TENM2: variants seen among roughly 807,000 people sequenced by gnomAD.
The protein encoded by TENM2 is teneurin-2.
A neutral mutation model predicts 245.2 loss-of-function variants in TENM2; 52 were observed. That is an observed-to-expected ratio of 0.21 (90% CI 0.17 to 0.27). TENM2 has a LOEUF of 0.27. Ranked by LOEUF, TENM2 falls within the 10% of genes least tolerant of loss-of-function variation. The pLI is 1.00. For missense variants in TENM2, 3,046 were observed against 3,666.8 expected (o/e 0.83, Z 4.37); for synonymous variants, 1,363 against 1,438.9 (o/e 0.95, Z 1.19).
At chr5:167,757,556 G>A (rs1174340880) in intron 2 of TENM2, among the ~76,000 whole-genome samples, 7 of 152,166 alleles carry the variant, frequency 4.6e-5, no homozygotes, top group African/African-American at 1.4e-4. Flanking sequence ...AAACATACGT[G>A]TGCATGTGTC....
chr5:167,305,899 A>G (rs944424255), intron 1 of TENM2, among the ~76,000 whole-genome samples: 2 of 152,224 alleles, frequency 1.3e-5, no homozygotes, highest in African/African-American at 2.4e-5. Flanking sequence ...AGGTTGAGAG[A>G]TTATGATCAG....
At chr5:167,320,426 T>G (rs1267984559) in intron 1 of TENM2, among the ~76,000 whole-genome samples, 1 of 152,242 alleles carries the variant, frequency 6.6e-6, no homozygotes, top group Non-Finnish European at 1.5e-5. Flanking sequence ...CTGACTTAAA[T>G]GACATTTTAG....
chr5:167,110,859 C>T, the TENM2 span, among the ~76,000 whole-genome samples: 1 of 152,176 alleles, frequency 6.6e-6, no homozygotes, highest in Admixed American at 6.5e-5. Flanking sequence ...TTCTCATGCA[C>T]TCATTTTTCA....
intron 2 of TENM2, among the ~76,000 whole-genome samples, chr5:167,790,923 C>T (rs1764911588): frequency 1.3e-5 from 2 of 152,154 alleles, no homozygotes; most frequent in Admixed American, 6.5e-5. Context: ...CATTCAGTGA[C>T]CACATTGATT....
At chr5:168,134,232 C>A (rs543812708) in intron 12 of TENM2, among the ~76,000 whole-genome samples, 36 of 152,232 alleles carry the variant, frequency 2.4e-4, no homozygotes, top group Admixed American at 1.2e-3. Flanking sequence ...GCTTTTCTAA[C>A]CTTTATGTGT....
intron 2 of TENM2, among the ~76,000 whole-genome samples, chr5:167,395,484 C>A (rs958074918): frequency 6.6e-6 from 1 of 152,058 alleles, no homozygotes; most frequent in Non-Finnish European, 1.5e-5. Flanking sequence ...ACTTGGATGC[C>A]TTTTATTCCC....
At chr5:167,807,434 A>G (rs1167478316) in intron 2 of TENM2, among the ~76,000 whole-genome samples, 1 of 152,124 alleles carries the variant, frequency 6.6e-6, no homozygotes, top group Non-Finnish European at 1.5e-5. Flanking sequence ...GTGATTCTCC[A>G]AGAAAACTGG....
chr5:167,649,358 G>T (rs982838181), intron 2 of TENM2, among the ~76,000 whole-genome samples: 2 of 152,156 alleles, frequency 1.3e-5, no homozygotes, highest in Non-Finnish European at 2.9e-5. Context: ...GGTGGTGCTG[G>T]AGAACTCAGC....
At chr5:167,110,903 G>A in the TENM2 span, among the ~76,000 whole-genome samples, 1 of 152,134 alleles carries the variant, frequency 6.6e-6, no homozygotes, top group Non-Finnish European at 1.5e-5. Flanking sequence ...TTCATTGTTA[G>A]AAAAAGACAG....
At chr5:167,283,739 T>A (rs1771183708), upstream of TENM2, among the ~76,000 whole-genome samples, 1 of 152,206 alleles carries the variant, frequency 6.6e-6, no homozygotes, top group African/African-American at 2.4e-5. Context: ...GTCCTGGCCC[T>A]GTGGTCTATG....
chr5:167,350,775 T>C (rs1375864583), intron 1 of TENM2, among the ~76,000 whole-genome samples: 3 of 142,168 alleles, frequency 2.1e-5, no homozygotes, highest in Non-Finnish European at 4.5e-5. Flanking sequence ...TATATATATA[T>C]GGGATATATA....
At chr5:167,539,316 C>G (rs1038743887) in intron 2 of TENM2, among the ~76,000 whole-genome samples, 1 of 152,088 alleles carries the variant, frequency 6.6e-6, no homozygotes, top group African/African-American at 2.4e-5. Flanking sequence ...GCACTGAAAT[C>G]TCCCATTCTC....
At position 167,378,333 on chromosome 5, in the gene TENM2, C is replaced by A. The variant is rs940347479; in HGVS notation, c.502+2860C>A. 2.6e-5 allele frequency among the ~76,000 whole-genome samples: 4 copies of A among 151,612 alleles called. No homozygotes were observed. The South Asian group carries it at 6.3e-4, about 24-fold the overall frequency. ...AAAAATGACCCATTGGATAACTTGA[C>A]AGTCCCATCAAACAGATGAACCTGT... On this transcript the variant is annotated intron_variant, in intron 2 of 28. Coordinates refer to ENST00000518659, the Ensembl canonical transcript of TENM2.
chr5:168,073,556 AG>A (rs926529835), intron 7 of TENM2, among the ~76,000 whole-genome samples: 1 of 152,196 alleles, frequency 6.6e-6, no homozygotes, highest in East Asian at 1.9e-4. Flanking sequence ...AGAGTGACCT[AG>A]GGGGGCAGCC....
At chr5:167,806,485 G>A (rs937844322) in intron 2 of TENM2, among the ~76,000 whole-genome samples, 6 of 152,088 alleles carry the variant, frequency 3.9e-5, no homozygotes, top group Non-Finnish European at 7.4e-5. Context: ...TAATATCACA[G>A]TACCCTTCTC....
At chr5:167,408,276 G>A (rs1762735648) in intron 2 of TENM2, among the ~76,000 whole-genome samples, 1 of 152,068 alleles carries the variant, frequency 6.6e-6, no homozygotes, top group Admixed American at 6.6e-5. Flanking sequence ...GAGTTTGCTT[G>A]GAAAAAGCAA....
chr5:168,135,064 A>G (rs1212040958), intron 12 of TENM2, among the ~76,000 whole-genome samples: 3 of 152,162 alleles, frequency 2.0e-5, no homozygotes, highest in African/African-American at 7.2e-5. Flanking sequence ...TCAAGAAATC[A>G]TTTAGGAGAC....
At chr5:167,056,497 A>C in the TENM2 span, among the ~76,000 whole-genome samples, 1 of 146,306 alleles carries the variant, frequency 6.8e-6, no homozygotes, top group African/African-American at 2.5e-5. Context: ...ATACATATAT[A>C]TTTTAATATA....
the TENM2 span, among the ~76,000 whole-genome samples, chr5:167,175,458 T>C: frequency 5.9e-5 from 9 of 152,278 alleles, no homozygotes; most frequent in Non-Finnish European, 8.8e-5. Context: ...ATTACTTTTT[T>C]GTGTGTAACA....
Sources: gnomAD v4.1 joint callset for allele counts (sites outside exome capture counted in the v4.1 genomes callset) on GRCh38, gnomAD v4.1.1 for gene constraint, MANE v1.5 for transcripts, NCBI Gene and HGNC (gene_info 2026-07-23, HGNC 2026-07-21) for gene names.